Variants in ZFAT observed in about 807,000 individuals in gnomAD.
The protein encoded by ZFAT is zinc finger and AT-hook domain containing, also known as zinc finger protein ZFAT.
ZFAT carries 64 observed loss-of-function variants against 117.7 expected under a neutral mutation model. That is an observed-to-expected ratio of 0.54 (90% CI 0.44 to 0.67). ZFAT has a LOEUF of 0.67. Among genes scored for constraint, ZFAT ranks in the 30% least tolerant of loss-of-function variants. The pLI is 0.00. For missense variants in ZFAT, 1,433 were observed against 1,584.5 expected (o/e 0.90, Z 1.62); for synonymous variants, 679 against 615.0 (o/e 1.10, Z -1.54).
intron 15 of ZFAT, among the ~76,000 whole-genome samples, chr8:134,505,653 G>T (rs1404717688): frequency 1.3e-5 from 2 of 152,150 alleles, no homozygotes; most frequent in Non-Finnish European, 2.9e-5. Context: ...ACCTTAGCCT[G>T]CCGTTGCTGG....
At chr8:134,636,192 C>T (rs1046633099) in intron 3 of ZFAT, among the ~76,000 whole-genome samples, 1 of 152,134 alleles carries the variant, frequency 6.6e-6, no homozygotes, top group Non-Finnish European at 1.5e-5. Flanking sequence ...TGTAGGGAGG[C>T]ATTTATGGTG....
intron 7 of ZFAT, among the ~76,000 whole-genome samples, chr8:134,595,662 G>C (rs765497823): frequency 1.3e-5 from 2 of 152,164 alleles, no homozygotes; most frequent in Non-Finnish European, 2.9e-5. Context: ...TAACTCTCTT[G>C]ACTAGGTCCC....
At chr8:134,748,341 C>T in the ZFAT span, among the ~76,000 whole-genome samples, 3 of 152,296 alleles carry the variant, frequency 2.0e-5, no homozygotes, top group East Asian at 5.8e-4. Flanking sequence ...ATTTGTTTTA[C>T]ATGGTTCTAG....
chr8:134,486,224 C>T (rs1817644358), intron 15 of ZFAT, among the ~76,000 whole-genome samples: 1 of 152,218 alleles, frequency 6.6e-6, no homozygotes, highest in East Asian at 1.9e-4. Context: ...CCTTTAGATG[C>T]TGCCCACATT....
chr8:134,724,253 A>G, the ZFAT span, among the ~76,000 whole-genome samples: 1 of 152,154 alleles, frequency 6.6e-6, no homozygotes, highest in Admixed American at 6.5e-5. Flanking sequence ...AGGCATCTTG[A>G]GAGGCAGGGA....
Position 134,639,114 on chromosome 8 carries a change from C to T in ZFAT, c.197-1402G>A, listed in dbSNP as rs565264896. Among the ~76,000 whole-genome samples, 469 of 152,330 alleles carry T rather than the reference C, an allele frequency of 3.1e-3. 1 individual carries two copies. The highest frequency in any genetic ancestry group is 0.011 in the African/African-American group (455 of 41,580). ...CCATGAGGACCCGTTAAGTAAGTCACTTGTGCTCACAAATCAGAGAGGGAG... is the reference window on the plus strand; with the variant it reads ...CCATGAGGACCCGTTAAGTAAGTCATTTGTGCTCACAAATCAGAGAGGGAG... On this transcript the variant is annotated intron_variant, in intron 2 of 15. Coordinates refer to ENST00000377838, the MANE Select transcript of ZFAT (RefSeq NM_020863.4).
chr8:134,800,365 TC>T, the ZFAT span, among the ~76,000 whole-genome samples: 74 of 152,296 alleles, frequency 4.9e-4, no homozygotes, highest in African/African-American at 1.7e-3. Flanking sequence ...TTCAAGTAGA[TC>T]CCTGCCAGCT....
chr8:134,639,574 G>C (rs917038868), intron 2 of ZFAT, among the ~76,000 whole-genome samples: 13 of 152,222 alleles, frequency 8.5e-5, no homozygotes, highest in African/African-American at 3.1e-4. Context: ...AAAAAAGCCT[G>C]TGTTTACAGG....
chr8:134,647,554 G>C (rs1830971955), intron 2 of ZFAT, among the ~76,000 whole-genome samples: 1 of 152,084 alleles, frequency 6.6e-6, no homozygotes, highest in East Asian at 1.9e-4. Flanking sequence ...AAAATACAAA[G>C]CATGCAAAGT....
At chr8:134,732,157 G>A in the ZFAT span, among the ~76,000 whole-genome samples, 3 of 152,302 alleles carry the variant, frequency 2.0e-5, no homozygotes, top group South Asian at 6.2e-4. Flanking sequence ...AATATTATCC[G>A]GTTATCACTG....
At chr8:134,717,619 A>G (rs1401359961), upstream of ZFAT, among the ~76,000 whole-genome samples, 1 of 149,196 alleles carries the variant, frequency 6.7e-6, no homozygotes, top group South Asian at 2.2e-4. Flanking sequence ...AGTAGCTGGG[A>G]CTACAGGCGC....
At chr8:134,769,268 G>C in the ZFAT span, among the ~76,000 whole-genome samples, 1 of 152,180 alleles carries the variant, frequency 6.6e-6, no homozygotes, top group Non-Finnish European at 1.5e-5. Context: ...TGAAAATCAA[G>C]TTAGTTACTT....
upstream of ZFAT, among the ~76,000 whole-genome samples, chr8:134,717,466 C>CTTTTTTTTTTTTTTTTTTTTTTG (rs1814224157): frequency 5.2e-5 from 1 of 19,334 alleles, no homozygotes; most frequent in Non-Finnish European, 1.3e-4. Flanking sequence ...AATAACAACT[C>CTTTTTTTTTTTTTTTTTTTTTTG]TTTTTTTTTT....
the ZFAT span, among the ~76,000 whole-genome samples, chr8:134,730,014 T>C: frequency 6.6e-6 from 1 of 152,204 alleles, no homozygotes; most frequent in Non-Finnish European, 1.5e-5. Context: ...ATTTTGACAG[T>C]GTTTGGGTCA....
chr8:134,824,114 T>C, the ZFAT span, among the ~76,000 whole-genome samples: 1 of 152,358 alleles, frequency 6.6e-6, no homozygotes, highest in Non-Finnish European at 1.5e-5. Flanking sequence ...AACAATGTAA[T>C]AACTGCTTTT....
chr8:134,735,405 C>A, the ZFAT span, among the ~76,000 whole-genome samples: 2 of 152,134 alleles, frequency 1.3e-5, no homozygotes, highest in Non-Finnish European at 2.9e-5. Context: ...GGAGGGCAGG[C>A]TATAGCTGAT....
At chr8:134,696,092 G>T in intron 1 of ZFAT, among the ~76,000 whole-genome samples, 1 of 151,424 alleles carries the variant, frequency 6.6e-6, no homozygotes. Context: ...CTGCCCCCAA[G>T]CCCTGCCCGC....
At chr8:134,733,556 C>A in the ZFAT span, among the ~76,000 whole-genome samples, 2 of 152,222 alleles carry the variant, frequency 1.3e-5, no homozygotes, top group East Asian at 1.9e-4. Context: ...TTCACCCCAA[C>A]AAACTGGCCT....
chr8:134,536,678 A>C (rs545408228), intron 11 of ZFAT, among the ~76,000 whole-genome samples: 2 of 152,334 alleles, frequency 1.3e-5, no homozygotes, highest in Non-Finnish European at 2.9e-5. Context: ...TATGAAGCAT[A>C]TATTTACTGA....
Sources: gnomAD v4.1 joint callset for allele counts (sites outside exome capture counted in the v4.1 genomes callset) on GRCh38, gnomAD v4.1.1 for gene constraint, MANE v1.5 for transcripts, NCBI Gene and HGNC (gene_info 2026-07-23, HGNC 2026-07-21) for gene names.